FGF12: variants seen among roughly 807,000 people sequenced by gnomAD.
FGF12 encodes fibroblast growth factor 12B.
In FGF12, 14 loss-of-function variants were observed where a neutral mutation model predicts 23.6. The ratio of observed to expected loss-of-function variants is 0.59; its 90% CI spans 0.39 to 0.93. The LOEUF is 0.93. Among genes scored for constraint, FGF12 ranks in the 40% least tolerant of loss-of-function variants. The pLI, the probability that FGF12 is intolerant of heterozygous loss-of-function variation, is 0.00. For synonymous variants in FGF12, 62 were observed against 77.3 expected (o/e 0.80, Z 1.04); for missense variants, 175 against 217.8 (o/e 0.80, Z 1.24).
intron 2 of FGF12, among the ~76,000 whole-genome samples, chr3:192,696,312 A>G (rs1718122562): frequency 6.6e-6 from 1 of 152,096 alleles, no homozygotes; most frequent in Admixed American, 6.6e-5. Flanking sequence ...AGAAGCTCTG[A>G]GCAAGTGACT....
At chr3:192,498,969 C>T (rs762372460) in intron 2 of FGF12, among the ~76,000 whole-genome samples, 1 of 152,120 alleles carries the variant, frequency 6.6e-6, no homozygotes, top group Non-Finnish European at 1.5e-5. Context: ...GGAAGATATA[C>T]CTCTTACGCC....
chr3:192,372,580 G>A (rs1016284452), intron 2 of FGF12, among the ~76,000 whole-genome samples: 4 of 152,100 alleles, frequency 2.6e-5, no homozygotes, highest in Admixed American at 1.3e-4. Context: ...AGTGGGATCC[G>A]GACATTTGGG....
intron 2 of FGF12, among the ~76,000 whole-genome samples, chr3:192,464,499 GGTGTGTGTGTGTGTGTGTGT>G (rs34803297): frequency 6.8e-5 from 9 of 132,672 alleles, no homozygotes; most frequent in East Asian, 2.2e-4. Context: ...AGTATTCCAT[GGTGTGTGTGTGTGTGTGTGT>G]GTGTGTGTGT....
intron 2 of FGF12, among the ~76,000 whole-genome samples, chr3:192,380,783 C>T (rs1295868049): frequency 6.6e-6 from 1 of 152,046 alleles, no homozygotes; most frequent in Non-Finnish European, 1.5e-5. Flanking sequence ...GGAAAGAATG[C>T]TGAGTTTCAT....
chr3:192,288,538 C>T (rs1349905943), intron 4 of FGF12, among the ~76,000 whole-genome samples: 1 of 151,914 alleles, frequency 6.6e-6, no homozygotes. Context: ...ACAAATGATA[C>T]TTGTATCTTA....
rs1247117990 is a variant in FGF12, at chr3:192,534,279, G to C, written c.14-173741C>G. On this transcript the variant is annotated intron_variant, in intron 2 of 5. Transcript: ENST00000445105. Reference sequence around the variant, plus strand: ...AAGAAGCTGGTTTTAGGTTACTGTAGTGCTCAGGAAATGTGAGTTTTTAAA... The same window carrying C: ...AAGAAGCTGGTTTTAGGTTACTGTACTGCTCAGGAAATGTGAGTTTTTAAA... Among the ~76,000 whole-genome samples, 4 of 152,256 alleles carry C rather than the reference G, an allele frequency of 2.6e-5. No individual in the cohort carries two copies. The East Asian group carries it at 7.7e-4, about 29-fold the overall frequency.
At chr3:192,285,497 T>G (rs899717737) in intron 4 of FGF12, among the ~76,000 whole-genome samples, 2 of 152,092 alleles carry the variant, frequency 1.3e-5, no homozygotes, top group Non-Finnish European at 2.9e-5. Flanking sequence ...TCCTGTATTT[T>G]TTTTTCAAAA....
At chr3:192,646,279 GC>G (rs984711108) in intron 2 of FGF12, among the ~76,000 whole-genome samples, 1 of 152,012 alleles carries the variant, frequency 6.6e-6, no homozygotes, top group Non-Finnish European at 1.5e-5. Context: ...AATAAAAGAG[GC>G]AGGGGAAGTA....
chr3:192,222,513 G>C (rs1718529313), intron 4 of FGF12, among the ~76,000 whole-genome samples: 1 of 152,038 alleles, frequency 6.6e-6, no homozygotes, highest in African/African-American at 2.4e-5. Flanking sequence ...TATTTTTCTT[G>C]CACATCAGAT....
chr3:192,437,028 G>C (rs1722047106), intron 2 of FGF12, among the ~76,000 whole-genome samples: 1 of 152,210 alleles, frequency 6.6e-6, no homozygotes, highest in South Asian at 2.1e-4. Context: ...TTAAGGACGA[G>C]AGTGATATAG....
rs182250898 is a variant in FGF12, at chr3:192,504,497, C to T, written c.14-143959G>A. On this transcript the variant is annotated intron_variant, in intron 2 of 5. Coordinates refer to ENST00000445105, the MANE Select transcript of FGF12 (RefSeq NM_004113.6). ...AGTATTGGAAATAAGAGTCTTTACC[C>T]TTCCATCCATTCTTCTCACTCTTTT... 8.7e-4 allele frequency among the ~76,000 whole-genome samples: 132 copies of T among 152,292 alleles called. 2 individuals carry two copies. The highest frequency in any genetic ancestry group is 7.8e-3 in the Admixed American group (119 of 15,310).
At chr3:192,419,999 T>G (rs181418149) in intron 2 of FGF12, among the ~76,000 whole-genome samples, 26 of 152,276 alleles carry the variant, frequency 1.7e-4, no homozygotes, top group African/African-American at 5.8e-4. Context: ...CCTATTAAGT[T>G]GTATGTGAGG....
chr3:192,711,210 TA>T (rs1375358802), intron 2 of FGF12, among the ~76,000 whole-genome samples: 2 of 152,060 alleles, frequency 1.3e-5, no homozygotes, highest in African/African-American at 4.8e-5. Context: ...AAAACTTCTT[TA>T]AAAATGTAAA....
intron 2 of FGF12, among the ~76,000 whole-genome samples, chr3:192,558,190 A>C (rs924918369): frequency 6.6e-6 from 1 of 151,888 alleles, no homozygotes; most frequent in African/African-American, 2.4e-5. Context: ...AGTGCATATC[A>C]GAATAAACAA....
At chr3:192,415,273 C>G (rs1250842921) in intron 2 of FGF12, among the ~76,000 whole-genome samples, 7 of 152,058 alleles carry the variant, frequency 4.6e-5, no homozygotes. Flanking sequence ...CCCAGTGGCA[C>G]CTTTTCCTTT....
chr3:192,689,090 G>C (rs2108717613), intron 2 of FGF12, among the ~76,000 whole-genome samples: 1 of 152,220 alleles, frequency 6.6e-6, no homozygotes. Context: ...GGGGTATATG[G>C]ATGTTGGCGA....
At chr3:192,283,797 C>T (rs1325140502) in intron 4 of FGF12, among the ~76,000 whole-genome samples, 1 of 152,020 alleles carries the variant, frequency 6.6e-6, no homozygotes, top group Non-Finnish European at 1.5e-5. Flanking sequence ...CGGGGAAGCA[C>T]TATTTTATAT....
At chr3:192,221,683 A>G (rs1718484625) in intron 4 of FGF12, among the ~76,000 whole-genome samples, 1 of 152,206 alleles carries the variant, frequency 6.6e-6, no homozygotes, top group Non-Finnish European at 1.5e-5. Flanking sequence ...AATATAAAGA[A>G]AGAAATATAG....
At chr3:192,577,931 C>CT in intron 2 of FGF12, among the ~76,000 whole-genome samples, 1 of 152,188 alleles carries the variant, frequency 6.6e-6, no homozygotes, top group East Asian at 1.9e-4. Flanking sequence ...AGAAAATGCT[C>CT]TTTTTATGAC....
Sources: gnomAD v4.1 joint callset for allele counts (sites outside exome capture counted in the v4.1 genomes callset) on GRCh38, gnomAD v4.1.1 for gene constraint, MANE v1.5 for transcripts, NCBI Gene and HGNC (gene_info 2026-07-23, HGNC 2026-07-21) for gene names.